Variants in NCKAP5 observed in about 807,000 individuals in gnomAD.
NCKAP5 encodes the protein NCK associated protein 5, also known as nck-associated protein 5.
In NCKAP5, 92 loss-of-function variants were observed where a neutral mutation model predicts 167.0. The observed-to-expected ratio is 0.55, with a 90% confidence interval of 0.47 to 0.66. The LOEUF is 0.66. Ranked by LOEUF, NCKAP5 falls within the 30% of genes least tolerant of loss-of-function variation. The pLI, the probability that NCKAP5 is intolerant of heterozygous loss-of-function variation, is 0.00. For missense variants in NCKAP5, 2,378 were observed against 2,315.0 expected (o/e 1.03, Z -0.56); for synonymous variants, 891 against 877.4 (o/e 1.02, Z -0.27).
At chr2:132,759,634 A>G in intron 16 of NCKAP5, among the ~76,000 whole-genome samples, 1 of 152,106 alleles carries the variant, frequency 6.6e-6, no homozygotes, top group East Asian at 1.9e-4. Context: ...TTTTTCTGTT[A>G]TTAATACAGC....
At chr2:133,645,450 A>C in the NCKAP5 span, among the ~76,000 whole-genome samples, 1 of 152,202 alleles carries the variant, frequency 6.6e-6, no homozygotes, top group African/African-American at 2.4e-5. Flanking sequence ...TTTAAATATT[A>C]AAATATAGAT....
chr2:133,313,518 T>C (rs1023045518), intron 3 of NCKAP5, among the ~76,000 whole-genome samples: 2 of 152,226 alleles, frequency 1.3e-5, no homozygotes, highest in East Asian at 3.8e-4. Flanking sequence ...AAATAGTAAC[T>C]ATTGTATTTC....
At chr2:132,754,027 G>A (rs1027133934) in intron 16 of NCKAP5, among the ~76,000 whole-genome samples, 2 of 152,212 alleles carry the variant, frequency 1.3e-5, no homozygotes, top group African/African-American at 4.8e-5. Context: ...CACAGGCTAA[G>A]CTAAAGTTGT....
intron 3 of NCKAP5, among the ~76,000 whole-genome samples, chr2:133,345,253 T>C (rs963574105): frequency 6.6e-6 from 1 of 152,240 alleles, no homozygotes; most frequent in East Asian, 1.9e-4. Flanking sequence ...CCAGCTGCTG[T>C]GCAACCCTCC....
At position 132,746,009 on chromosome 2, in the gene NCKAP5, A is replaced by G. The variant is rs147992727; in HGVS notation, c.5129-13958T>C. ...TCGGATATCAATTCTCTTCAAATTG[A>G]TCTACAGATTCAATGACATTTTAAT... is the stretch of plus-strand genomic sequence containing the variant. On this transcript the variant is annotated intron_variant, in intron 16 of 19. Transcript: ENST00000409261. Among the ~76,000 whole-genome samples, 247 of 152,216 alleles carry G rather than the reference A, an allele frequency of 1.6e-3. 1 individual carries two copies. Among genetic ancestry groups the G allele is most frequent in the African/African-American group, 5.7e-3 (238 of 41,566 alleles).
intron 19 of NCKAP5, among the ~76,000 whole-genome samples, chr2:132,677,605 A>G (rs1405141022): frequency 6.6e-6 from 1 of 152,000 alleles, no homozygotes; most frequent in African/African-American, 2.4e-5. Context: ...ATTCCAATAA[A>G]TATTCATCTA....
At chr2:132,972,904 G>A (rs2076876844) in intron 7 of NCKAP5, among the ~76,000 whole-genome samples, 1 of 151,316 alleles carries the variant, frequency 6.6e-6, no homozygotes, top group Non-Finnish European at 1.5e-5. Context: ...AACAATGCCT[G>A]CTTGCCCCTT....
At chr2:133,111,625 A>G (rs1265425853) in intron 6 of NCKAP5, among the ~76,000 whole-genome samples, 3 of 152,188 alleles carry the variant, frequency 2.0e-5, no homozygotes, top group Non-Finnish European at 4.4e-5. Context: ...GCCCTCTGCC[A>G]TGATTCTCAT....
intron 5 of NCKAP5, among the ~76,000 whole-genome samples, chr2:133,140,376 CTG>C (rs2082950874): frequency 6.6e-6 from 1 of 152,166 alleles, no homozygotes; most frequent in Non-Finnish European, 1.5e-5. Context: ...ACCCCCAACT[CTG>C]TTCCTTTTCT....
Position 133,026,439 on chromosome 2 carries a change from C to T in NCKAP5, c.342-32200G>A, listed in dbSNP as rs142557642. On this transcript the variant is annotated intron_variant, in intron 6 of 19. Transcript: ENST00000409261. ...TTGTGGATTCACTCTCAGGAAACTT[C>T]CCTGGCCTTAAGAATAAGAAGAAGC... is the stretch of plus-strand genomic sequence containing the variant. Among the ~76,000 whole-genome samples, 116 of 151,516 alleles carry T rather than the reference C, an allele frequency of 7.7e-4. 2 individuals are homozygous for T. Among genetic ancestry groups the T allele is most frequent in the African/African-American group, 2.6e-3 (107 of 41,320 alleles).
At chr2:133,642,987 T>C in the NCKAP5 span, among the ~76,000 whole-genome samples, 1 of 152,154 alleles carries the variant, frequency 6.6e-6, no homozygotes, top group African/African-American at 2.4e-5. Context: ...GTGCAGACCA[T>C]AGCAAGTTTC....
At chr2:133,496,778 A>G (rs747015694) in intron 3 of NCKAP5, among the ~76,000 whole-genome samples, 2 of 152,178 alleles carry the variant, frequency 1.3e-5, no homozygotes, top group Non-Finnish European at 2.9e-5. Flanking sequence ...ATTGGCATCT[A>G]TTCGGAAAAA....
intron 6 of NCKAP5, among the ~76,000 whole-genome samples, chr2:133,082,975 G>A (rs932321141): frequency 6.6e-6 from 1 of 152,056 alleles, no homozygotes; most frequent in Admixed American, 6.6e-5. Context: ...CCCCAGAAAC[G>A]AAGAAAGGCA....
At chr2:132,772,455 G>A (rs1451413431) in intron 16 of NCKAP5, among the ~76,000 whole-genome samples, 9 of 152,188 alleles carry the variant, frequency 5.9e-5, no homozygotes, top group Admixed American at 2.0e-4. Context: ...AGAGATTCCT[G>A]TAGTTCTCTT....
intron 19 of NCKAP5, among the ~76,000 whole-genome samples, chr2:132,695,099 A>T (rs573440920): frequency 6.6e-6 from 1 of 152,248 alleles, no homozygotes; most frequent in East Asian, 1.9e-4. Flanking sequence ...TTCCATTCAT[A>T]AGAGCTCCAC....
Position 132,783,731 on chromosome 2 carries a change from C to A in NCKAP5, c.3080G>T (p.Ser1027Ile). 6.2e-7 allele frequency: 1 copy of A among 1,609,556 alleles called. No individual in the cohort carries two copies. The highest frequency in any genetic ancestry group is 8.5e-7 in the Non-Finnish European group (1 of 1,177,884). Residue 1027 changes from serine to isoleucine, a missense_variant, in exon 14 of 20, where the codon AGC (serine) becomes ATC (isoleucine). Ser to Ile is a moderately radical substitution (Grantham distance 142). Coordinates refer to ENST00000409261, the MANE Select transcript of NCKAP5 (RefSeq NM_207363.3). ...CCCCAGAGCCATTACGGTGAAGGAGCTGGAGGGGGCATGAGCAGGGCATCG... is the reference window on the plus strand; with the variant it reads ...CCCCAGAGCCATTACGGTGAAGGAGATGGAGGGGGCATGAGCAGGGCATCG... ...QTRCPAHAPS[S>I]SFTVMALGPP...
At chr2:133,080,793 C>G (rs2080777172) in intron 6 of NCKAP5, among the ~76,000 whole-genome samples, 1 of 151,954 alleles carries the variant, frequency 6.6e-6, no homozygotes, top group South Asian at 2.1e-4. Context: ...GAAAAAGGTA[C>G]CGTGGCATTA....
chr2:133,179,952 A>T (rs2084658141), intron 5 of NCKAP5, among the ~76,000 whole-genome samples: 1 of 152,190 alleles, frequency 6.6e-6, no homozygotes, highest in Non-Finnish European at 1.5e-5. Context: ...AAAAAAATCA[A>T]ATTTGACAAA....
intron 3 of NCKAP5, among the ~76,000 whole-genome samples, chr2:133,465,860 G>C (rs1692543552): frequency 6.9e-6 from 1 of 145,540 alleles, no homozygotes; most frequent in Admixed American, 6.9e-5. Flanking sequence ...GGGGTTGTTT[G>C]TTTTTTTCTT....
Sources: gnomAD v4.1 joint callset for allele counts (sites outside exome capture counted in the v4.1 genomes callset) on GRCh38, gnomAD v4.1.1 for gene constraint, MANE v1.5 for transcripts, NCBI Gene and HGNC (gene_info 2026-07-23, HGNC 2026-07-21) for gene names.